FREM2: variants seen among roughly 807,000 people sequenced by gnomAD.
FREM2 encodes FRAS1-related extracellular matrix protein 2.
A neutral mutation model predicts 219.9 loss-of-function variants in FREM2; 119 were observed. The ratio of observed to expected loss-of-function variants is 0.54; its 90% CI spans 0.47 to 0.63. The LOEUF is 0.63. Among genes scored for constraint, FREM2 ranks in the 30% least tolerant of loss-of-function variants. The pLI is 0.00. For missense variants in FREM2, 4,030 were observed against 3,993.6 expected, an observed-to-expected ratio of 1.01 and a Z score of -0.25; for synonymous variants, 1,562 against 1,522.8, an observed-to-expected ratio of 1.03 and a Z score of -0.60.
At chr13:38,761,415 T>C (rs146246295) in intron 2 of FREM2, among the ~76,000 whole-genome samples, 104 of 152,328 alleles carry the variant, frequency 6.8e-4, no homozygotes, top group East Asian at 1.4e-3. Context: ...ACTAATTTAA[T>C]CAATTGCATG....
chr13:38,794,038 T>C (rs1056495058), intron 6 of FREM2, among the ~76,000 whole-genome samples: 1 of 152,166 alleles, frequency 6.6e-6, no homozygotes, highest in Admixed American at 6.6e-5. Context: ...ACTGAAGATA[T>C]AGGCCTGATT....
chr13:38,826,408 C>T (rs971966567), intron 6 of FREM2, among the ~76,000 whole-genome samples: 2 of 151,998 alleles, frequency 1.3e-5, no homozygotes, highest in Non-Finnish European at 2.9e-5. Context: ...CGTACAACAA[C>T]GCAAGGAAGC....
At chr13:38,797,789 C>T (rs560460266) in intron 6 of FREM2, among the ~76,000 whole-genome samples, 30 of 151,800 alleles carry the variant, frequency 2.0e-4, no homozygotes, top group African/African-American at 6.5e-4. Context: ...GTCTTTAATC[C>T]ATCTTGACTT....
At chr13:38,853,095 A>G (rs1220118260) in intron 11 of FREM2, among the ~76,000 whole-genome samples, 1 of 152,004 alleles carries the variant, frequency 6.6e-6, no homozygotes, top group Non-Finnish European at 1.5e-5. Context: ...TGGGAGGCCA[A>G]GGCGGGTGGA....
chr13:38,874,424 G>A (rs1878271865), intron 17 of FREM2, 58 bp from the exon 18 acceptor site: 1 of 1,342,840 alleles, frequency 7.4e-7, no homozygotes, highest in Non-Finnish European at 1.1e-6. Context: ...GAAGGAATCT[G>A]TACATAAGGG....
At chr13:38,861,769 G>A (rs1327189551) in intron 15 of FREM2, among the ~76,000 whole-genome samples, 2 of 152,104 alleles carry the variant, frequency 1.3e-5, no homozygotes, top group Admixed American at 6.5e-5. Flanking sequence ...TTAAAATTAG[G>A]TAGATGTAAT....
At chr13:38,783,288 G>T (rs1241945876) in intron 5 of FREM2, 93 bp downstream of exon 5, 5 of 1,311,376 alleles carry the variant, frequency 3.8e-6, no homozygotes, top group African/African-American at 2.9e-5. Flanking sequence ...ACCATGAGGG[G>T]TATACTTTAT....
At chr13:38,876,446 T>TTAGAAA in intron 20 of FREM2, 64 bp downstream of exon 20, 1 of 1,111,536 alleles carries the variant, frequency 9.0e-7, no homozygotes, top group Non-Finnish European at 1.3e-6. Context: ...CATTTATTAG[T>TTAGAAA]AAAAAAAAAA....
intron 2 of FREM2, among the ~76,000 whole-genome samples, chr13:38,699,924 AT>A (rs1870275760): frequency 6.6e-6 from 1 of 152,114 alleles, no homozygotes. Context: ...GATAGTAGGC[AT>A]ATCTATAAGT....
At chr13:38,875,972 C>A in intron 18 of FREM2, 50 bp from the exon 19 acceptor site, 5 of 1,531,840 alleles carry the variant, frequency 3.3e-6, no homozygotes, top group Non-Finnish European at 4.5e-6. Context: ...GTTATGCACT[C>A]TTTTAATTGA....
At chr13:38,701,921 A>G (rs185695917) in intron 2 of FREM2, among the ~76,000 whole-genome samples, 1 of 152,254 alleles carries the variant, frequency 6.6e-6, no homozygotes, top group Non-Finnish European at 1.5e-5. Context: ...GGTATCATTA[A>G]TCTTTGTACC....
intron 6 of FREM2, among the ~76,000 whole-genome samples, chr13:38,836,658 C>G (rs1876719226): frequency 1.3e-5 from 2 of 152,100 alleles, no homozygotes; most frequent in Non-Finnish European, 2.9e-5. Context: ...TGAATTCTTC[C>G]TGGTTTAGTC....
Position 38,835,066 on chromosome 13 carries a change from G to T in FREM2, c.6020-11507G>T, listed in dbSNP as rs866006152. Among the ~76,000 whole-genome samples the T allele has an allele frequency of 1.2e-4, 18 of 152,100 alleles. 1 individual carries two copies. The highest frequency in any genetic ancestry group is 1.8e-4 in the Non-Finnish European group (12 of 68,016). The stretch of plus-strand genomic sequence containing the variant: ...GGTACTGACTAGGTTTTCCCCTAGG[G>T]TTTTTATGTCATTAGGTCTTACATT... On this transcript the variant is annotated intron_variant, in intron 6 of 23. Transcript: ENST00000280481.
intron 4 of FREM2, among the ~76,000 whole-genome samples, chr13:38,781,330 T>C (rs1029515652): frequency 6.6e-6 from 1 of 152,188 alleles, no homozygotes; most frequent in African/African-American, 2.4e-5. Context: ...AGATTCTAAT[T>C]CTACCAGAGA....
chr13:38,750,376 T>G (rs746084018), intron 2 of FREM2, among the ~76,000 whole-genome samples: 1 of 152,184 alleles, frequency 6.6e-6, no homozygotes, highest in Non-Finnish European at 1.5e-5. Context: ...GATCCATGTG[T>G]TTTGTGTTTT....
chr13:38,790,067 T>C (rs992781160), intron 6 of FREM2, among the ~76,000 whole-genome samples: 1 of 152,184 alleles, frequency 6.6e-6, no homozygotes, highest in African/African-American at 2.4e-5. Flanking sequence ...TTCTATGTTA[T>C]GTTTTCTTTT....
In FREM2 at chr13:38,851,816, C is replaced by A. The variant is rs1877382214; in HGVS notation, c.6873C>A (p.His2291Gln). The change falls in exon 11 of 24, where the codon CAC becomes CAA. Residue 2291 changes from histidine to glutamine, a missense_variant. Physicochemically the swap from His to Gln is conservative, Grantham distance 24. Around this residue, in one of 2 missense-constraint regions of FREM2, gnomAD observed 3,102 missense variants for 2,950.7 expected, o/e 1.05. Coordinates refer to ENST00000280481, the MANE Select transcript of FREM2 (RefSeq NM_207361.6). ...CAAAGGTTTCCATTGTGAGAGTCCA[C>A]ACCAAGGATGGCTCGGCCACCTCTG... ...DTSKVSIVRV[H>Q]TKDGSATSGE... 6 of 1,613,986 alleles carry A rather than the reference C, an allele frequency of 3.7e-6. No homozygotes were observed. Among genetic ancestry groups the A allele is most frequent in the African/African-American group, 1.3e-5 (1 of 75,034 alleles).
At chr13:38,819,789 T>C (rs549072576) in intron 6 of FREM2, among the ~76,000 whole-genome samples, 4 of 152,270 alleles carry the variant, frequency 2.6e-5, no homozygotes, top group South Asian at 2.1e-4. Flanking sequence ...CTGTGAGTGG[T>C]TGGATAACTT....
In FREM2 at chr13:38,864,265, T is replaced by C; in HGVS notation, c.7652-10T>C. The C allele has an allele frequency of 1.9e-6, 3 of 1,608,792 alleles. No individual in the cohort carries two copies. The highest frequency in any genetic ancestry group is 2.6e-6 in the Non-Finnish European group (3 of 1,175,164). On this transcript the variant is annotated splice_polypyrimidine_tract_variant and intron_variant, in intron 15 of 23. Transcript: ENST00000280481. ...GAAAGACTGTTAACAATGATTTCGA[T>C]TTATCATAGGCATGCTCCCCGTGAT...
Sources: gnomAD v4.1 joint callset for allele counts (sites outside exome capture counted in the v4.1 genomes callset) on GRCh38, gnomAD v4.1.1 for gene constraint, gnomAD v4.1.1 regional missense constraint, MANE v1.5 for transcripts, NCBI Gene and HGNC (gene_info 2026-07-23, HGNC 2026-07-21) for gene names.